Variants in ERI1 observed in about 807,000 individuals in gnomAD.
ERI1 encodes the protein exoribonuclease 1.
ERI1 carries 39 observed loss-of-function variants against 39.7 expected under a neutral mutation model. The ratio of observed to expected loss-of-function variants is 0.98; its 90% confidence interval spans 0.76 to 1.28. ERI1 has a LOEUF of 1.28. ERI1 is among the 50% of genes most tolerant of loss of function. The probability of loss-of-function intolerance (pLI) is 0.00; values close to 1 mark genes in which losing one functional copy is unlikely to be tolerated. For synonymous variants in ERI1, 204 were observed against 149.6 expected, an observed-to-expected ratio of 1.36 and a Z score of -2.65; for missense variants, 581 against 416.9, an observed-to-expected ratio of 1.39 and a Z score of -3.43.
chr8:9,080,037 C>G (rs1442856626), intron 3 of ERI1, among the ~76,000 whole-genome samples: 1 of 146,834 alleles, frequency 6.8e-6, no homozygotes, highest in African/African-American at 2.5e-5. Context: ...TAGGCTGATA[C>G]AAAGTTGTTT....
intron 2 of ERI1, among the ~76,000 whole-genome samples, chr8:9,011,257 G>C (rs1157422176): frequency 6.6e-6 from 1 of 152,108 alleles, no homozygotes; most frequent in African/African-American, 2.4e-5. Flanking sequence ...TGCTGACAGT[G>C]TTTATGGTTT....
intron 3 of ERI1, among the ~76,000 whole-genome samples, chr8:9,093,504 TAAA>T (rs1040785856): frequency 7.0e-4 from 88 of 124,848 alleles, no homozygotes; most frequent in African/African-American, 1.5e-3. Context: ...ACCTTGTCTC[TAAA>T]AAAAAAAAAA....
At chr8:9,088,968 G>T (rs1799619964) in intron 3 of ERI1, among the ~76,000 whole-genome samples, 1 of 152,190 alleles carries the variant, frequency 6.6e-6, no homozygotes. Context: ...AAGCTGCAGG[G>T]TTAGCACGTA....
At chr8:9,029,480 C>T (rs1797431422) in intron 6 of ERI1, among the ~76,000 whole-genome samples, 1 of 152,092 alleles carries the variant, frequency 6.6e-6, no homozygotes, top group Non-Finnish European at 1.5e-5. Flanking sequence ...AGATGTGCAC[C>T]ACCACGCCTG....
intron 2 of ERI1, chr8:9,009,149 A>G: frequency 2.2e-6 from 1 of 451,792 alleles, no homozygotes; most frequent in South Asian, 1.6e-5. Flanking sequence ...GTATGTTTAT[A>G]CGTTTATTCA....
chr8:9,099,043 C>G (rs1217272781), intron 3 of ERI1, among the ~76,000 whole-genome samples: 2 of 152,060 alleles, frequency 1.3e-5, no homozygotes, highest in Non-Finnish European at 2.9e-5. Context: ...CCATTTTGGC[C>G]AGGCTGGTCT....
chr8:9,006,918 CCT>C (rs1473063066), intron 1 of ERI1, among the ~76,000 whole-genome samples: 3 of 152,164 alleles, frequency 2.0e-5, no homozygotes, highest in Admixed American at 6.5e-5. Flanking sequence ...GGGACTGTGG[CCT>C]CTCTGTGATT....
Position 9,008,013 on chromosome 8 carries a change from C to T in ERI1, c.152C>T (p.Ser51Phe), listed in dbSNP as rs367704025. The T allele has an allele frequency of 1.0e-5, 15 of 1,506,336 alleles. No homozygotes were observed. Among genetic ancestry groups the T allele is most frequent in the Admixed American group, 5.8e-5 (3 of 51,452 alleles). 93.3% of individuals were successfully genotyped at this position (1,506,336 alleles called of 1,614,324 possible). ...CKFDGQETKG[S>F]KFITSSASDF... ...TTTGATGGCCAGGAGACAAAAGGAT[C>T]CAAGTTCATTACCTCCAGTGCGAGT... Residue 51 changes from serine (S) to phenylalanine (F), a missense_variant, in exon 2 of 7, where the codon TCC becomes TTC. Ser to Phe is a radical substitution (Grantham distance 155, BLOSUM62 -2). Transcript: ENST00000250263.
At chr8:9,027,661 G>A (rs990304019) in intron 6 of ERI1, among the ~76,000 whole-genome samples, 4 of 152,128 alleles carry the variant, frequency 2.6e-5, no homozygotes, top group African/African-American at 7.2e-5. Context: ...GTTATATGGT[G>A]TAAGGTAAGG....
chr8:9,022,248 C>A (rs1166414104), intron 6 of ERI1, among the ~76,000 whole-genome samples: 2 of 151,908 alleles, frequency 1.3e-5, no homozygotes, highest in Non-Finnish European at 2.9e-5. Flanking sequence ...TGCTTTTTTG[C>A]GAACCCCTTA....
At chr8:9,016,434 G>C in intron 4 of ERI1, 29 bp downstream of exon 4, 5 of 1,353,604 alleles carry the variant, frequency 3.7e-6, no homozygotes, top group Non-Finnish European at 5.1e-6. Flanking sequence ...TCTTTCTAGA[G>C]TTTGAAAGAG....
intron 2 of ERI1, among the ~76,000 whole-genome samples, chr8:9,010,874 A>C (rs537550085): frequency 1.3e-5 from 2 of 152,310 alleles, no homozygotes; most frequent in Admixed American, 6.5e-5. Context: ...GAAATCCCCT[A>C]AATCATATTC....
At chr8:9,027,118 C>G (rs1413139528) in intron 6 of ERI1, among the ~76,000 whole-genome samples, 1 of 146,338 alleles carries the variant, frequency 6.8e-6, no homozygotes, top group East Asian at 2.0e-4. Flanking sequence ...ACATCTCTGT[C>G]AATGCTTGTT....
chr8:9,052,939 C>G (rs1798404970), intron 3 of ERI1, among the ~76,000 whole-genome samples: 1 of 152,130 alleles, frequency 6.6e-6, no homozygotes, highest in Non-Finnish European at 1.5e-5. Flanking sequence ...TGGCTCCACC[C>G]CTCAACCTCT....
chr8:9,043,380 AC>A (rs1222814177), intron 3 of ERI1, among the ~76,000 whole-genome samples: 1 of 152,128 alleles, frequency 6.6e-6, no homozygotes, highest in Non-Finnish European at 1.5e-5. Context: ...CTGTGCCTGG[AC>A]CCCATCATTC....
In ERI1 at chr8:9,020,403, A is replaced by G. The variant is rs777230141; in HGVS notation, c.746A>G (p.Lys249Arg). 2 of 1,608,864 alleles carry G rather than the reference A, an allele frequency of 1.2e-6. No individual in the cohort carries two copies. Among genetic ancestry groups the G allele is most frequent in the Non-Finnish European group, 1.7e-6 (2 of 1,178,010 alleles). Residue 249 changes from lysine to arginine, a missense_variant, in exon 6 of 7, where the codon AAA becomes AGA. Lys to Arg is a conservative substitution (Grantham distance 26). Transcript: ENST00000250263. Reference protein sequence around the residue: ...LNIQCQLSRLKYPPFAKKWIN... With the variant: ...LNIQCQLSRLRYPPFAKKWIN... ...ATTCAGTGTCAACTCAGCAGGCTCA[A>G]ATACCCTCCTTTTGCGAAAAAGTGG...
At chr8:9,010,564 A>G (rs1437015857) in intron 2 of ERI1, among the ~76,000 whole-genome samples, 2 of 152,296 alleles carry the variant, frequency 1.3e-5, no homozygotes, top group African/African-American at 2.4e-5. Context: ...ATAAAAGACT[A>G]AAAAGGTTTT....
chr8:9,092,108 C>A (rs1388279107), intron 3 of ERI1, among the ~76,000 whole-genome samples: 1 of 152,136 alleles, frequency 6.6e-6, no homozygotes, highest in East Asian at 1.9e-4. Context: ...AGGCACGTGC[C>A]ACCACACCTG....
intron 3 of ERI1, among the ~76,000 whole-genome samples, chr8:9,044,992 C>G (rs568879160): frequency 6.6e-6 from 1 of 151,976 alleles, no homozygotes; most frequent in Non-Finnish European, 1.5e-5. Context: ...AATCCCAGCA[C>G]TTTGGGAGGC....
Sources: gnomAD v4.1 joint callset for allele counts (sites outside exome capture counted in the v4.1 genomes callset) on GRCh38, gnomAD v4.1.1 for gene constraint, MANE v1.5 for transcripts, NCBI Gene and HGNC (gene_info 2026-07-23, HGNC 2026-07-21) for gene names.